The following RNF6 variants were observed in gnomAD, a reference collection of about 807,000 sequenced individuals.
RNF6 encodes E3 ubiquitin-protein ligase RNF6.
Under a neutral mutation model 50.1 loss-of-function variants are expected in RNF6, and 21 were observed. The observed-to-expected ratio is 0.42, with a 90% CI of 0.30 to 0.60. The LOEUF (loss-of-function observed/expected upper bound fraction) is 0.60. RNF6 is among the 20% of genes least tolerant of loss of function. RNF6 has a pLI of 0.20. For missense variants in RNF6, 698 were observed against 838.2 expected (o/e 0.83, Z 2.07); for synonymous variants, 255 against 291.8 (o/e 0.87, Z 1.29).
In RNF6 at chr13:26,145,450, AGGG is replaced by A. The variant is rs869057756; in HGVS notation, n.769-13002_769-13000del. 8.6e-3 allele frequency among the ~76,000 whole-genome samples: 236 copies of A among 27,444 alleles called. 3 individuals carry two copies. The highest frequency in any genetic ancestry group is 0.029 in the African/African-American group (224 of 7,662). The allele number at this position is 27,444 out of a possible 152,430, so 18.0% of individuals were successfully genotyped here. ...AGTAGGAGGTGACTGAATCATGGGG[AGGG>A]GGGGGGACTTCCCCCTTACTGTTCT... On this transcript the variant is annotated intron_variant and non_coding_transcript_variant, in intron 5 of 5. Transcript: ENST00000468480.
intron 5 of RNF6, among the ~76,000 whole-genome samples, chr13:26,188,675 G>A (rs1221089676): frequency 8.8e-5 from 10 of 113,268 alleles, no homozygotes; most frequent in Admixed American, 5.2e-4. Flanking sequence ...TCACTCTGTT[G>A]CCAGGCTGGA....
chr13:26,196,193 AAG>A (rs1868652344), intron 5 of RNF6, among the ~76,000 whole-genome samples: 1 of 152,204 alleles, frequency 6.6e-6, no homozygotes, highest in African/African-American at 2.4e-5. Context: ...TATAAACAAC[AAG>A]AGAAAAAAGT....
chr13:26,209,912 A>G (rs1182982280), downstream of RNF6, among the ~76,000 whole-genome samples: 1 of 152,218 alleles, frequency 6.6e-6, no homozygotes, highest in Non-Finnish European at 1.5e-5. Flanking sequence ...ATTTTTAAAA[A>G]GGAATAAAAA....
chr13:26,148,644 A>ATATATT (rs1458044382), intron 5 of RNF6, among the ~76,000 whole-genome samples: 2 of 100,670 alleles, frequency 2.0e-5, no homozygotes, highest in Non-Finnish European at 4.5e-5. Context: ...ATATATATAT[A>ATATATT]TATATATATA....
At chr13:26,182,257 T>C (rs1340068099) in intron 5 of RNF6, among the ~76,000 whole-genome samples, 1 of 152,204 alleles carries the variant, frequency 6.6e-6, no homozygotes, top group Non-Finnish European at 1.5e-5. Flanking sequence ...CTCATGTCTA[T>C]TTTTATTCTT....
intron 5 of RNF6, among the ~76,000 whole-genome samples, chr13:26,192,454 C>T (rs1192506017): frequency 2.0e-5 from 3 of 152,216 alleles, no homozygotes; most frequent in African/African-American, 7.2e-5. Context: ...TCCCTGCCAT[C>T]TGGTATTCAT....
At chr13:26,204,095 G>A (rs909229220) in intron 5 of RNF6, among the ~76,000 whole-genome samples, 4 of 151,930 alleles carry the variant, frequency 2.6e-5, no homozygotes, top group African/African-American at 9.7e-5. Context: ...CGCTCCCTCC[G>A]CCTTTATCGT....
upstream of RNF6, chr13:26,222,712 C>T (rs1322385977): frequency 1.3e-5 from 2 of 152,282 alleles, no homozygotes; most frequent in Non-Finnish European, 2.9e-5. Context: ...CTAGAGCGAT[C>T]GTAGCTCACT....
intron 5 of RNF6, among the ~76,000 whole-genome samples, chr13:26,147,340 G>T (rs971134719): frequency 3.5e-4 from 54 of 152,232 alleles, no homozygotes; most frequent in African/African-American, 1.3e-3. Flanking sequence ...TTCATGAGGA[G>T]AATGAGCATT....
chr13:26,133,576 T>C (rs969510755), intron 5 of RNF6, among the ~76,000 whole-genome samples: 3 of 152,060 alleles, frequency 2.0e-5, no homozygotes, highest in Non-Finnish European at 4.4e-5. Context: ...AGTCCACTGA[T>C]TCTTTCTTCT....
Position 26,219,567 on chromosome 13 carries a change from C to T in RNF6, c.83G>A (p.Arg28Lys). 1 of 1,613,968 alleles carries T rather than the reference C, an allele frequency of 6.2e-7. No individual in the cohort carries two copies. The highest frequency in any genetic ancestry group is 8.5e-7 in the Non-Finnish European group (1 of 1,179,934). ...QDHNHHENER[R>K]WQQERLHREE... is the part of the protein sequence containing the mutation. ...TCTGTGGAGACGCTCTTGCTGCCAT[C>T]TTCTCTCATTTTCATGATGATTATG... The change falls in exon 3 of 5, where the codon AGA becomes AAA. Residue 28 changes from arginine to lysine, a missense_variant. Coordinates refer to ENST00000381588, the MANE Select transcript of RNF6 (RefSeq NM_005977.4).
intron 4 of RNF6, among the ~76,000 whole-genome samples, chr13:26,217,215 A>C (rs1869974725): frequency 6.6e-6 from 1 of 152,248 alleles, no homozygotes; most frequent in Non-Finnish European, 1.5e-5. Context: ...TACAACTTAC[A>C]TATCTAAACA....
At chr13:26,171,625 GC>G (rs901516288) in intron 5 of RNF6, among the ~76,000 whole-genome samples, 3 of 152,180 alleles carry the variant, frequency 2.0e-5, no homozygotes, top group African/African-American at 7.2e-5. Flanking sequence ...ATCCACAATA[GC>G]CAAGAGTTAG....
chr13:26,150,633 G>A (rs534297059), intron 5 of RNF6, among the ~76,000 whole-genome samples: 1 of 151,924 alleles, frequency 6.6e-6, no homozygotes, highest in African/African-American at 2.4e-5. Context: ...ATATAAGCCA[G>A]AGTATATAAC....
At chr13:26,181,349 A>G (rs1425037460) in intron 5 of RNF6, among the ~76,000 whole-genome samples, 1 of 152,250 alleles carries the variant, frequency 6.6e-6, no homozygotes, top group Non-Finnish European at 1.5e-5. Context: ...AGGCAGGCAG[A>G]GGCCGATCAG....
chr13:26,197,673 C>G (rs1251574992), intron 5 of RNF6, among the ~76,000 whole-genome samples: 1 of 151,942 alleles, frequency 6.6e-6, no homozygotes, highest in Non-Finnish European at 1.5e-5. Flanking sequence ...TTCTCTACTG[C>G]AATAGTTACT....
At chr13:26,184,732 C>T (rs1873433876) in intron 5 of RNF6, among the ~76,000 whole-genome samples, 1 of 152,148 alleles carries the variant, frequency 6.6e-6, no homozygotes, top group Non-Finnish European at 1.5e-5. Context: ...TAAAGCTGTT[C>T]TGGCTTAAAA....
At chr13:26,177,053 G>C (rs955246045) in intron 5 of RNF6, among the ~76,000 whole-genome samples, 34 of 152,174 alleles carry the variant, frequency 2.2e-4, no homozygotes, top group African/African-American at 8.2e-4. Context: ...AAGCCAAGAA[G>C]GAAAGATCGG....
chr13:26,188,728 C>A (rs1873676963), intron 5 of RNF6, among the ~76,000 whole-genome samples: 1 of 133,348 alleles, frequency 7.5e-6, no homozygotes, highest in Non-Finnish European at 1.6e-5. Context: ...CTCTTCAGTT[C>A]AAGCACTTAT....
Sources: allele counts gnomAD v4.1 joint callset (sites outside exome capture counted in the v4.1 genomes callset), GRCh38; gene constraint gnomAD v4.1.1; transcripts MANE v1.5; gene names NCBI Gene and HGNC (gene_info 2026-07-23, HGNC 2026-07-21).